The following GFOD1 variants were observed in gnomAD, a reference collection of about 807,000 sequenced individuals.
The protein encoded by GFOD1 is Gfo/Idh/MocA-like oxidoreductase domain containing 1, also known as glucose-fructose oxidoreductase domain-containing protein 1.
Under a neutral mutation model 25.4 loss-of-function variants are expected in GFOD1, and 9 were observed. That is an observed-to-expected ratio of 0.35 (90% CI 0.21 to 0.62). The LOEUF is 0.62. Among genes scored for constraint, GFOD1 ranks in the 20% least tolerant of loss-of-function variants. The pLI is 0.72. For missense variants in GFOD1, 403 were observed against 556.9 expected, an observed-to-expected ratio of 0.72 and a Z score of 2.78; for synonymous variants, 253 against 245.6, an observed-to-expected ratio of 1.03 and a Z score of -0.28.
chr6:13,429,487 C>T (rs1396948846), intron 1 of GFOD1, among the ~76,000 whole-genome samples: 1 of 152,226 alleles, frequency 6.6e-6, no homozygotes, highest in Non-Finnish European at 1.5e-5. Context: ...ACGGTCCTCT[C>T]AGACAGAAAA....
At chr6:13,469,275 T>A in intron 1 of GFOD1, 2 of 985,450 alleles carry the variant, frequency 2.0e-6, no homozygotes, top group Non-Finnish European at 2.4e-6. Context: ...GCCTTTTATA[T>A]CTTATCCATA....
chr6:13,459,336 C>A (rs1462420957), intron 1 of GFOD1, among the ~76,000 whole-genome samples: 1 of 114,482 alleles, frequency 8.7e-6, no homozygotes, highest in Non-Finnish European at 2.0e-5. Flanking sequence ...CCCTTCCTTA[C>A]ACCTTATACA....
At chr6:13,389,453 G>A (rs988478602) in intron 1 of GFOD1, among the ~76,000 whole-genome samples, 10 of 152,170 alleles carry the variant, frequency 6.6e-5, no homozygotes, top group African/African-American at 2.4e-4. Flanking sequence ...ATGAGTTCAT[G>A]TCCTTTGCAG....
At chr6:13,438,084 G>C (rs4715294) in intron 1 of GFOD1, among the ~76,000 whole-genome samples, 149,309 of 152,350 alleles carry the variant, frequency 0.98, 73,239 homozygotes, top group Middle Eastern at 1. Flanking sequence ...GCCAAATGGC[G>C]ATGTTATGTG....
chr6:13,469,564 G>A (rs1349988848), intron 1 of GFOD1: 2 of 1,056,414 alleles, frequency 1.9e-6, no homozygotes, highest in African/African-American at 3.4e-5. Context: ...AAGCTTTGGA[G>A]TCAAGCAAAC....
chr6:13,422,009 G>A (rs1786265505), intron 1 of GFOD1, among the ~76,000 whole-genome samples: 1 of 152,158 alleles, frequency 6.6e-6, no homozygotes, highest in African/African-American at 2.4e-5. Flanking sequence ...TATCCACAGG[G>A]GAGGAAGAAA....
chr6:13,375,939 G>A (rs766464171), intron 1 of GFOD1, among the ~76,000 whole-genome samples: 1 of 152,180 alleles, frequency 6.6e-6, no homozygotes, highest in Non-Finnish European at 1.5e-5. Flanking sequence ...TTATATTTGA[G>A]GCTACAGTTG....
chr6:13,442,384 T>C (rs187439029), intron 1 of GFOD1, among the ~76,000 whole-genome samples: 74 of 152,360 alleles, frequency 4.9e-4, no homozygotes, highest in African/African-American at 1.7e-3. Flanking sequence ...TGTCTCTCTA[T>C]CACATTTTGG....
chr6:13,457,363 C>A (rs1165714688), intron 1 of GFOD1, among the ~76,000 whole-genome samples: 1 of 152,192 alleles, frequency 6.6e-6, no homozygotes, highest in African/African-American at 2.4e-5. Flanking sequence ...GAGAAATCAG[C>A]CTGCCATAAG....
At chr6:13,416,879 GA>G (rs754219532) in intron 1 of GFOD1, among the ~76,000 whole-genome samples, 4 of 152,170 alleles carry the variant, frequency 2.6e-5, no homozygotes, top group Non-Finnish European at 4.4e-5. Context: ...GAAAAGTGCA[GA>G]GATTTGAGAA....
At chr6:13,372,616 G>T (rs553219190) in intron 1 of GFOD1, among the ~76,000 whole-genome samples, 1 of 152,198 alleles carries the variant, frequency 6.6e-6, no homozygotes, top group Non-Finnish European at 1.5e-5. Context: ...TCTAGGGAAA[G>T]ATGGAGCTCT....
chr6:13,380,403 C>A (rs1785341019), intron 1 of GFOD1, among the ~76,000 whole-genome samples: 1 of 152,192 alleles, frequency 6.6e-6, no homozygotes, highest in African/African-American at 2.4e-5. Flanking sequence ...TACTGTAGGG[C>A]TCTCTTCCAG....
chr6:13,426,368 C>T (rs941655941), intron 1 of GFOD1, among the ~76,000 whole-genome samples: 3 of 152,196 alleles, frequency 2.0e-5, no homozygotes, highest in Admixed American at 1.3e-4. Context: ...ACACACAACC[C>T]CAGATTCATC....
rs75948694 is a variant in GFOD1, at chr6:13,378,363, C to A, written c.254-12701G>T. ...AGGCTCCGCCCCCAGCAGACCCCAG[C>A]ATTGTATTGAGAAGATTTGGGAAAT... On this transcript the variant is annotated intron_variant, in intron 1 of 1. Coordinates refer to ENST00000379287, the MANE Select transcript of GFOD1 (RefSeq NM_018988.4). Among the ~76,000 whole-genome samples, 793 of 152,270 alleles carry A rather than the reference C, an allele frequency of 5.2e-3. 8 individuals carry two copies. The highest frequency in any genetic ancestry group is 0.018 in the African/African-American group (742 of 41,550).
intron 1 of GFOD1, among the ~76,000 whole-genome samples, chr6:13,466,860 C>T (rs1448111249): frequency 6.6e-6 from 1 of 152,042 alleles, no homozygotes. Flanking sequence ...TCAGCAGTGC[C>T]ATTAAAGAGG....
chr6:13,483,409 G>A (rs1034063650), intron 1 of GFOD1, among the ~76,000 whole-genome samples: 3 of 152,210 alleles, frequency 2.0e-5, no homozygotes, highest in African/African-American at 7.2e-5. Flanking sequence ...ACCAGGACGT[G>A]AGGCTGGGCT....
intron 1 of GFOD1, chr6:13,469,989 C>T: frequency 1.5e-6 from 2 of 1,319,102 alleles, no homozygotes; most frequent in Middle Eastern, 2.1e-4. Context: ...GAGCACATGC[C>T]ATATCTTATA....
At chr6:13,482,534 G>A (rs1413986141) in intron 1 of GFOD1, among the ~76,000 whole-genome samples, 3 of 152,010 alleles carry the variant, frequency 2.0e-5, no homozygotes, top group African/African-American at 7.2e-5. Flanking sequence ...ATCACCTGAG[G>A]TCAAGAGTTT....
At chr6:13,452,748 C>G (rs1332562416) in intron 1 of GFOD1, among the ~76,000 whole-genome samples, 1 of 151,792 alleles carries the variant, frequency 6.6e-6, no homozygotes, top group Non-Finnish European at 1.5e-5. Context: ...AGCAGGCAGA[C>G]TTAGCTTCTT....
Sources: allele counts gnomAD v4.1 joint callset (sites outside exome capture counted in the v4.1 genomes callset), GRCh38; gene constraint gnomAD v4.1.1; transcripts MANE v1.5; gene names NCBI Gene and HGNC (gene_info 2026-07-23, HGNC 2026-07-21).